JCAD: variants seen among roughly 807,000 people sequenced by gnomAD.
JCAD encodes junctional cadherin 5-associated protein.
JCAD carries 40 observed loss-of-function variants against 98.0 expected under a neutral mutation model. That is an observed-to-expected ratio of 0.41 (90% CI 0.32 to 0.53). JCAD has a LOEUF of 0.53. Among genes scored for constraint, JCAD ranks in the 20% least tolerant of loss-of-function variants. The probability of loss-of-function intolerance (pLI) is 0.31; values close to 1 mark genes in which losing one functional copy is unlikely to be tolerated. For missense variants in JCAD, 1,705 were observed against 1,738.1 expected, an observed-to-expected ratio of 0.98 and a Z score of 0.34; for synonymous variants, 691 against 682.3, an observed-to-expected ratio of 1.01 and a Z score of -0.20.
chr10:30,022,997 CT>C (rs766426735), intron 3 of JCAD, among the ~76,000 whole-genome samples: 4 of 151,254 alleles, frequency 2.6e-5, no homozygotes, highest in Non-Finnish European at 5.9e-5. Context: ...GTGGTCCTTT[CT>C]TTTTTTTTAA....
chr10:30,016,530 ACAGTAG>A lies in JCAD; in HGVS notation c.*1347_*1352del, dbSNP rs981489908. ...TGTGCAGGTTAATGCAGTATTAAAC[ACAGTAG>A]AATACATAGGCCTCATAATGCTTTT... On this transcript the variant is annotated 3_prime_UTR_variant, in exon 4 of 4. Coordinates refer to ENST00000375377, the MANE Select transcript of JCAD (RefSeq NM_020848.4). 7 of 152,184 alleles carry A rather than the reference ACAGTAG, an allele frequency of 4.6e-5. No individual in the cohort carries two copies. The highest frequency in any genetic ancestry group is 1.4e-4 in the African/African-American group (6 of 41,444). The allele number at this position is 152,184 out of a possible 1,614,324, so 9.4% of individuals were successfully genotyped here.
chr10:30,098,813 T>C (rs1380550508), intron 1 of JCAD, among the ~76,000 whole-genome samples: 1 of 152,214 alleles, frequency 6.6e-6, no homozygotes, highest in African/African-American at 2.4e-5. Flanking sequence ...CACCCACTTC[T>C]CCTTTGTTTG....
At chr10:30,062,078 G>A (rs1370155565), upstream of JCAD, among the ~76,000 whole-genome samples, 1 of 152,214 alleles carries the variant, frequency 6.6e-6, no homozygotes, top group East Asian at 1.9e-4. Context: ...CAAAACAACA[G>A]AGTAGGGTTG....
intron 1 of JCAD, among the ~76,000 whole-genome samples, chr10:30,089,072 C>T (rs1236717871): frequency 4.6e-5 from 7 of 152,330 alleles, no homozygotes; most frequent in Middle Eastern, 3.4e-3. Context: ...GAAGGGCTTA[C>T]AGATCCTAAA....
rs757364572 is a variant in JCAD, at chr10:30,026,809, C to T, written c.3339G>A (p.Glu1113=). 2 of 1,613,944 alleles carry T rather than the reference C, an allele frequency of 1.2e-6. No individual in the cohort carries two copies. Among genetic ancestry groups the T allele is most frequent in the Non-Finnish European group, 1.7e-6 (2 of 1,180,054 alleles). The change falls in exon 3 of 4, where the codon GAG becomes GAA. Residue 1113 remains glutamate (E), a synonymous_variant. Transcript: ENST00000375377. ...IRRAGQNQPA[E]PDASACTPES... ...CTGGGGTGCAGGCACTTGCATCGGGCTCAGCAGGCTGGTTCTGTCCCGCTC... is the reference window on the plus strand; with the variant it reads ...CTGGGGTGCAGGCACTTGCATCGGGTTCAGCAGGCTGGTTCTGTCCCGCTC...
Position 30,092,064 on chromosome 10 carries a change from A to AAAAT in JCAD, n.129-22244_129-22243insATTT, listed in dbSNP as rs1554802503. 7.9e-4 allele frequency among the ~76,000 whole-genome samples: 15 copies of AAAAT among 19,024 alleles called. 1 individual carries two copies. Among genetic ancestry groups the AAAAT allele is most frequent in the Middle Eastern group, 0.071 (1 of 14 alleles). 12.5% of individuals were successfully genotyped at this position (19,024 alleles called of 152,430 possible). A position where few individuals can be genotyped will look rare whatever the true frequency, so the allele number is the denominator to read the frequency against. ...AAAAAAAAAAAAAAAAAAAAAAAAA[A>AAAAT]ATATATATATATATATATATATATA... On this transcript the variant is annotated intron_variant and non_coding_transcript_variant, in intron 1 of 2. Transcript: ENST00000465712.
chr10:30,068,522 A>C (rs1320007025), intron 2 of JCAD, among the ~76,000 whole-genome samples: 3 of 152,018 alleles, frequency 2.0e-5, no homozygotes, highest in African/African-American at 2.4e-5. Flanking sequence ...TGCATTTATC[A>C]GGGCATATCT....
At chr10:30,058,329 G>C (rs1239494167) in intron 1 of JCAD, among the ~76,000 whole-genome samples, 3 of 152,092 alleles carry the variant, frequency 2.0e-5, no homozygotes, top group Non-Finnish European at 2.9e-5. Flanking sequence ...ACTAGATTTG[G>C]GGAGGGAATG....
At chr10:30,087,934 G>A (rs868360482) in intron 1 of JCAD, among the ~76,000 whole-genome samples, 3 of 152,174 alleles carry the variant, frequency 2.0e-5, no homozygotes, top group African/African-American at 4.8e-5. Flanking sequence ...TCTGCCTCCC[G>A]GGTTGAAGCC....
rs1836514623 is a variant in JCAD, at chr10:30,015,482, G to A, written c.*2401C>T. Reference sequence around the variant, plus strand: ...CCTTCCCCCCAAAAAAGATTTACATGTAGGCTTAAATTTAGAACAGTTAAA... The same window carrying A: ...CCTTCCCCCCAAAAAAGATTTACATATAGGCTTAAATTTAGAACAGTTAAA... On this transcript the variant is annotated 3_prime_UTR_variant, in exon 4 of 4. Transcript: ENST00000375377. 1 of 152,162 alleles carries A rather than the reference G, an allele frequency of 6.6e-6. No homozygotes were observed. Among genetic ancestry groups the A allele is most frequent in the African/African-American group, 2.4e-5 (1 of 41,440 alleles). 9.4% of individuals were successfully genotyped at this position (152,162 alleles called of 1,614,324 possible). A position where few individuals can be genotyped will look rare whatever the true frequency, so the allele number is the denominator to read the frequency against.
chr10:30,094,785 A>G (rs1838342672), intron 1 of JCAD, among the ~76,000 whole-genome samples: 1 of 152,022 alleles, frequency 6.6e-6, no homozygotes, highest in Non-Finnish European at 1.5e-5. Flanking sequence ...GATTTAGCCC[A>G]CCTGTTCCCA....
chr10:30,081,224 G>A (rs1838078802), intron 1 of JCAD, among the ~76,000 whole-genome samples: 1 of 152,192 alleles, frequency 6.6e-6, no homozygotes, highest in South Asian at 2.1e-4. Context: ...ATTGGCTGGA[G>A]CATGAAAGAT....
chr10:30,035,430 A>AC (rs1469016640), intron 2 of JCAD, among the ~76,000 whole-genome samples: 15 of 152,220 alleles, frequency 9.9e-5, no homozygotes, highest in Admixed American at 7.2e-4. Flanking sequence ...AAAACTATAA[A>AC]CCATTTAATT....
At chr10:30,073,694 C>CTTCT (rs1212547120) in intron 1 of JCAD, among the ~76,000 whole-genome samples, 4 of 149,256 alleles carry the variant, frequency 2.7e-5, no homozygotes, top group African/African-American at 7.4e-5. Context: ...TCCTTCCTTC[C>CTTCT]TTCCTTCCTT....
intron 1 of JCAD, among the ~76,000 whole-genome samples, chr10:30,092,840 G>A (rs146933168): frequency 3.3e-5 from 5 of 152,184 alleles, no homozygotes; most frequent in African/African-American, 4.8e-5. Flanking sequence ...AAGGAACCTC[G>A]CTTACTGCTT....
chr10:30,015,997 T>C lies in JCAD; in HGVS notation c.*1886A>G, dbSNP rs1185821587. 1 of 152,194 alleles carries C rather than the reference T, an allele frequency of 6.6e-6. No homozygotes were observed. The highest frequency in any genetic ancestry group is 2.4e-5 in the African/African-American group (1 of 41,440). 9.4% of individuals were successfully genotyped at this position (152,194 alleles called of 1,614,324 possible). On this transcript the variant is annotated 3_prime_UTR_variant, in exon 4 of 4. Transcript: ENST00000375377. ...AGGATCTTTTTGTTTCCCGCACTTA[T>C]TGCTGCTGTGAAAACTGGAGTGCAC...
At chr10:30,102,474 C>A (rs988028997) in intron 1 of JCAD, among the ~76,000 whole-genome samples, 7 of 152,084 alleles carry the variant, frequency 4.6e-5, no homozygotes, top group Non-Finnish European at 1.0e-4. Context: ...CCCAGTCTAC[C>A]CTCTTACATT....
intron 3 of JCAD, among the ~76,000 whole-genome samples, chr10:30,025,420 A>T (rs1192558938): frequency 6.6e-6 from 1 of 151,562 alleles, no homozygotes; most frequent in South Asian, 2.1e-4. Context: ...CAGGAGTCTG[A>T]GGTAGGAGAA....
At chr10:30,096,722 G>A (rs1268883413) in intron 1 of JCAD, among the ~76,000 whole-genome samples, 1 of 151,870 alleles carries the variant, frequency 6.6e-6, no homozygotes, top group Non-Finnish European at 1.5e-5. Context: ...GAAGGCTCAG[G>A]TGGCGTCATG....
Sources: allele counts gnomAD v4.1 joint callset (sites outside exome capture counted in the v4.1 genomes callset), GRCh38; gene constraint gnomAD v4.1.1; transcripts MANE v1.5; gene names NCBI Gene and HGNC (gene_info 2026-07-23, HGNC 2026-07-21).